NEK10: variants seen among roughly 807,000 people sequenced by gnomAD.
The protein encoded by NEK10 is serine/threonine-protein kinase Nek10.
In NEK10, 122 loss-of-function variants were observed where a neutral mutation model predicts 159.8. The observed-to-expected ratio is 0.76, with a 90% CI of 0.66 to 0.89. NEK10 has a LOEUF of 0.89. Ranked by LOEUF, NEK10 falls within the 40% of genes least tolerant of loss-of-function variation. The probability of loss-of-function intolerance (pLI) is 0.00; values close to 1 mark genes in which losing one functional copy is unlikely to be tolerated. For synonymous variants in NEK10, 466 were observed against 457.1 expected (o/e 1.02, Z -0.25); for missense variants, 1,342 against 1,323.1 (o/e 1.01, Z -0.22).
At chr3:27,243,789 T>G (rs1477980082) in intron 23 of NEK10, among the ~76,000 whole-genome samples, 1 of 151,708 alleles carries the variant, frequency 6.6e-6, no homozygotes, top group African/African-American at 2.4e-5. Context: ...CATCATAGGG[T>G]TTTCTAACCC....
At chr3:27,282,388 T>C (rs1293369964) in intron 22 of NEK10, among the ~76,000 whole-genome samples, 1 of 151,814 alleles carries the variant, frequency 6.6e-6, no homozygotes, top group Non-Finnish European at 1.5e-5. Context: ...TTAAGCTTAG[T>C]ACATTTAAAT....
intron 22 of NEK10, among the ~76,000 whole-genome samples, chr3:27,274,358 C>T (rs767789363): frequency 2.6e-5 from 4 of 152,182 alleles, no homozygotes; most frequent in Non-Finnish European, 5.9e-5. Flanking sequence ...GGTACATAAA[C>T]ATTACCTAGC....
intron 23 of NEK10, among the ~76,000 whole-genome samples, chr3:27,237,100 T>A (rs999780192): frequency 2.6e-5 from 4 of 152,134 alleles, no homozygotes; most frequent in African/African-American, 4.8e-5. Flanking sequence ...CTCTCCTACT[T>A]GCATGTCTGT....
intron 22 of NEK10, among the ~76,000 whole-genome samples, chr3:27,279,423 A>G (rs765769355): frequency 2.2e-4 from 33 of 152,180 alleles, no homozygotes; most frequent in Non-Finnish European, 4.3e-4. Flanking sequence ...CACAGGCTCT[A>G]CTAATTGCAG....
chr3:27,321,677 T>A (rs953722546), intron 6 of NEK10, among the ~76,000 whole-genome samples: 1 of 152,114 alleles, frequency 6.6e-6, no homozygotes, highest in African/African-American at 2.4e-5. Flanking sequence ...AGTGCCCTCC[T>A]TTGGGACAAG....
intron 32 of NEK10, among the ~76,000 whole-genome samples, chr3:27,120,761 T>C (rs1277953480): frequency 6.6e-6 from 1 of 152,226 alleles, no homozygotes. Context: ...AATCATTTAA[T>C]GCCTTTCTAT....
chr3:27,359,613 G>A (rs572186317), intron 1 of NEK10, among the ~76,000 whole-genome samples: 3 of 152,094 alleles, frequency 2.0e-5, no homozygotes, highest in Non-Finnish European at 4.4e-5. Context: ...AAGATAAAAA[G>A]TCACATAGAG....
chr3:27,174,723 A>G lies in NEK10; in HGVS notation c.2616T>C (p.Tyr872=), dbSNP rs769673893. ...DLPPEGFQAS[Y]GKDEDRACDE... is the part of the protein sequence containing the mutation. The stretch of plus-strand genomic sequence containing the variant: ...CACAGGCCCTGTCTTCGTCTTTACC[A>G]TAGGAGGCCTGGAAGCCTTCAGGGG... The change falls in exon 27 of 36, where the codon TAT becomes TAC. Residue 872 remains tyrosine, a synonymous_variant. Transcript: ENST00000691995. 5.6e-6 allele frequency: 9 copies of G among 1,613,472 alleles called. No individual in the cohort carries two copies. The Admixed American group carries it at 6.7e-5, about 12-fold the overall frequency.
intron 22 of NEK10, among the ~76,000 whole-genome samples, chr3:27,273,367 G>GAA (rs773100369): frequency 2.0e-5 from 3 of 152,150 alleles, no homozygotes; most frequent in Non-Finnish European, 4.4e-5. Context: ...AGTAGAGAGA[G>GAA]ACTTGGTTAA....
chr3:27,305,283 C>T (rs773098772), intron 11 of NEK10, among the ~76,000 whole-genome samples: 9 of 152,182 alleles, frequency 5.9e-5, no homozygotes, highest in Non-Finnish European at 1.3e-4. Flanking sequence ...GTGGAATAAA[C>T]TTAGACTGTA....
intron 1 of NEK10, among the ~76,000 whole-genome samples, chr3:27,355,001 C>A (rs190695278): frequency 6.6e-6 from 1 of 152,300 alleles, no homozygotes; most frequent in Admixed American, 6.5e-5. Flanking sequence ...AATACGAGGA[C>A]ACACAGTCCC....
rs994925780 is a variant in NEK10, at chr3:27,206,687, C to G, written c.2091-4130G>C. The G allele has an allele frequency of 1.4e-5, 13 of 951,956 alleles. No homozygotes were observed. The African/African-American group carries it at 2.1e-4, about 16-fold the overall frequency. 59.0% of individuals were successfully genotyped at this position (951,956 alleles called of 1,614,324 possible). A position where few individuals can be genotyped will look rare whatever the true frequency, so the allele number is the denominator to read the frequency against. ...CCTCAAGTGCGCACAGAGATGAAGG[C>G]TCTGTTACAAACCACTGACGAAAAT... On this transcript the variant is annotated intron_variant, in intron 23 of 35. Transcript: ENST00000691995.
At chr3:27,339,780 A>T (rs1479605001) in intron 5 of NEK10, among the ~76,000 whole-genome samples, 4 of 10,534 alleles carry the variant, frequency 3.8e-4, no homozygotes. Context: ...CTCCATCTCA[A>T]AAAAAAAAAA....
chr3:27,201,684 A>C, intron 24 of NEK10, 104 bp from the exon 25 acceptor site: 1 of 766,996 alleles, frequency 1.3e-6, no homozygotes, highest in East Asian at 2.5e-5. Context: ...AAGCAGGATA[A>C]CTTCACACAT....
chr3:27,213,411 T>A (rs1951191933), intron 23 of NEK10, among the ~76,000 whole-genome samples: 1 of 152,232 alleles, frequency 6.6e-6, no homozygotes, highest in South Asian at 2.1e-4. Flanking sequence ...TTTTGCTTTG[T>A]TGACATTCTG....
At position 27,292,491 on chromosome 3, in the gene NEK10, C is replaced by T. The variant is rs76851870; in HGVS notation, c.1374-905G>A. Reference sequence around the variant, plus strand: ...CACTGGTTTCAAGGGGTTTTAAAATCTTTGAGTTCACTAAAAGGGATGATT... The same window carrying T: ...CACTGGTTTCAAGGGGTTTTAAAATTTTTGAGTTCACTAAAAGGGATGATT... On this transcript the variant is annotated intron_variant, in intron 16 of 35. Coordinates refer to ENST00000691995, the MANE Select transcript of NEK10 (RefSeq NM_001394966.1). Among the ~76,000 whole-genome samples, 724 of 152,206 alleles carry T rather than the reference C, an allele frequency of 4.8e-3. 7 individuals are homozygous for T. Among genetic ancestry groups the T allele is most frequent in the African/African-American group, 0.017 (691 of 41,546 alleles).
intron 23 of NEK10, among the ~76,000 whole-genome samples, chr3:27,203,057 T>C (rs1223908337): frequency 6.6e-6 from 1 of 152,174 alleles, no homozygotes; most frequent in African/African-American, 2.4e-5. Flanking sequence ...TTTATCCTTC[T>C]AGGAGCTTCG....
intron 29 of NEK10, among the ~76,000 whole-genome samples, chr3:27,166,509 T>C (rs1946491920): frequency 6.6e-6 from 1 of 152,060 alleles, no homozygotes; most frequent in Admixed American, 6.6e-5. Context: ...AGATACAGAT[T>C]ATGAAAAAGA....
At chr3:27,290,259 C>T (rs2042902397) in intron 19 of NEK10, among the ~76,000 whole-genome samples, 2 of 152,110 alleles carry the variant, frequency 1.3e-5, no homozygotes, top group Admixed American at 6.6e-5. Context: ...TGGCAAAAGT[C>T]AAGAAACTCT....
Sources: allele counts gnomAD v4.1 joint callset (sites outside exome capture counted in the v4.1 genomes callset), GRCh38; gene constraint gnomAD v4.1.1; transcripts MANE v1.5; gene names NCBI Gene and HGNC (gene_info 2026-07-23, HGNC 2026-07-21).